The following PRDM16 variants were observed in gnomAD, a reference collection of about 807,000 sequenced individuals.
PRDM16 encodes the protein PR/SET domain 16, also known as histone-lysine N-methyltransferase PRDM16.
A neutral mutation model predicts 110.6 loss-of-function variants in PRDM16; 23 were observed. That is an observed-to-expected ratio of 0.21 (90% CI 0.15 to 0.29). PRDM16 has a LOEUF of 0.29. PRDM16 is among the 10% of genes least tolerant of loss of function. The pLI is 1.00. For missense variants in PRDM16, 1,615 were observed against 1,794.3 expected, an observed-to-expected ratio of 0.90 and a Z score of 1.81; for synonymous variants, 799 against 781.8, an observed-to-expected ratio of 1.02 and a Z score of -0.37.
chr1:3,210,590 G>T (rs1638861632), intron 2 of PRDM16, among the ~76,000 whole-genome samples: 1 of 152,246 alleles, frequency 6.6e-6, no homozygotes, highest in African/African-American at 2.4e-5. Flanking sequence ...GCTCTAAATA[G>T]CAGGCACATG....
chr1:3,387,721 A>T (rs1643225199), intron 4 of PRDM16, among the ~76,000 whole-genome samples: 1 of 152,256 alleles, frequency 6.6e-6, no homozygotes, highest in South Asian at 2.1e-4. Flanking sequence ...GAGGTGGCTG[A>T]GTTGGCAGCT....
At chr1:3,329,638 CT>C (rs1394070848) in intron 3 of PRDM16, among the ~76,000 whole-genome samples, 1 of 152,222 alleles carries the variant, frequency 6.6e-6, no homozygotes, top group African/African-American at 2.4e-5. Flanking sequence ...TGCCAGAGCC[CT>C]CCAGCCCAGG....
intron 1 of PRDM16, among the ~76,000 whole-genome samples, chr1:3,087,545 TG>T (rs1482734533): frequency 6.6e-6 from 1 of 152,100 alleles, no homozygotes; most frequent in Non-Finnish European, 1.5e-5. Flanking sequence ...CTGTGTCTGT[TG>T]GGGGGAGTTT....
At chr1:3,280,789 G>A (rs1236037022) in intron 3 of PRDM16, among the ~76,000 whole-genome samples, 2 of 152,192 alleles carry the variant, frequency 1.3e-5, no homozygotes, top group Admixed American at 6.5e-5. Context: ...TGGCCGTCCC[G>A]GGCCATACCC....
intron 1 of PRDM16, among the ~76,000 whole-genome samples, chr1:3,174,944 G>A (rs1644068640): frequency 6.6e-6 from 1 of 152,174 alleles, no homozygotes; most frequent in South Asian, 2.1e-4. Flanking sequence ...AATCTGCTGT[G>A]TTAATAGCGG....
chr1:3,333,240 G>A (rs996000362), intron 3 of PRDM16, among the ~76,000 whole-genome samples: 3 of 152,188 alleles, frequency 2.0e-5, no homozygotes, highest in East Asian at 1.9e-4. Flanking sequence ...GGAGGCCCTC[G>A]TGGGGGTGAA....
At chr1:3,220,150 A>C (rs1045616269) in intron 2 of PRDM16, among the ~76,000 whole-genome samples, 1 of 152,104 alleles carries the variant, frequency 6.6e-6, no homozygotes, top group Non-Finnish European at 1.5e-5. Context: ...ACGCGCCGGG[A>C]GGAATGCATC....
intron 3 of PRDM16, among the ~76,000 whole-genome samples, chr1:3,319,829 G>A (rs779364187): frequency 5.9e-5 from 9 of 152,302 alleles, no homozygotes; most frequent in South Asian, 4.1e-4. Context: ...GGCTTTAGCC[G>A]GCTTCCCCAA....
At chr1:3,242,090 A>G (rs185937980) in intron 2 of PRDM16, among the ~76,000 whole-genome samples, 1 of 152,306 alleles carries the variant, frequency 6.6e-6, no homozygotes, top group African/African-American at 2.4e-5. Context: ...GAAAATGCCC[A>G]GAGGCCACCA....
At chr1:3,091,178 C>T (rs1380476187) in intron 1 of PRDM16, among the ~76,000 whole-genome samples, 1 of 152,210 alleles carries the variant, frequency 6.6e-6, no homozygotes, top group Non-Finnish European at 1.5e-5. Context: ...GAGCCACCGA[C>T]CAATAGCAGC....
rs374698770 is a variant in PRDM16, at chr1:3,313,487, C to G, written c.438+69350C>G. ...TCCGAGGCTCTGCCGTCCCCACCCC[C>G]ACAGGCATCCAGGGGAGAGAAACAA... On this transcript the variant is annotated intron_variant, in intron 3 of 16. Transcript: ENST00000270722. Among the ~76,000 whole-genome samples the G allele has an allele frequency of 3.9e-5, 6 of 152,336 alleles. No individual in the cohort carries two copies. In the East Asian group the frequency reaches 1.2e-3, roughly 29 times the overall value.
chr1:3,332,307 C>A (rs928476549), intron 3 of PRDM16, among the ~76,000 whole-genome samples: 4 of 152,204 alleles, frequency 2.6e-5, no homozygotes, highest in South Asian at 4.1e-4. Context: ...GTTTCTCATA[C>A]GTTTCAATTA....
At chr1:3,099,546 G>C (rs1642484988) in intron 1 of PRDM16, among the ~76,000 whole-genome samples, 1 of 152,212 alleles carries the variant, frequency 6.6e-6, no homozygotes, top group Non-Finnish European at 1.5e-5. Flanking sequence ...GGGACTGGCT[G>C]GTGCTGGGCT....
rs1410876735 is a variant in PRDM16, at chr1:3,425,575, T to G, written c.2940-6T>G. ...CTGCACTGAGGAGCGCGTGTGCCCCTTCCAGGTGTAAGTACTGCGACCGCT... is the reference window on the plus strand; with the variant it reads ...CTGCACTGAGGAGCGCGTGTGCCCCGTCCAGGTGTAAGTACTGCGACCGCT... On this transcript the variant is annotated splice_region_variant and splice_polypyrimidine_tract_variant and intron_variant, in intron 12 of 16. Transcript: ENST00000270722. This position sits in a 1 kb window ranked among gnomAD's most constrained non-coding sequence, Gnocchi z 6.9. 2 of 1,613,366 alleles carry G rather than the reference T, an allele frequency of 1.2e-6. No individual in the cohort carries two copies. Among genetic ancestry groups the G allele is most frequent in the Non-Finnish European group, 1.7e-6 (2 of 1,179,740 alleles).
Position 3,283,141 on chromosome 1 carries a change from C to T in PRDM16, c.438+39004C>T, listed in dbSNP as rs368842555. ...TTTTGGAGGGGTCTGACCCAGTGGCCGGGCTCATGGGTGGGAACTGGCCAG... is the reference window on the plus strand; with the variant it reads ...TTTTGGAGGGGTCTGACCCAGTGGCTGGGCTCATGGGTGGGAACTGGCCAG... On this transcript the variant is annotated intron_variant, in intron 3 of 16. Coordinates refer to ENST00000270722, the MANE Select transcript of PRDM16 (RefSeq NM_022114.4). Among the ~76,000 whole-genome samples the T allele has an allele frequency of 1.2e-4, 18 of 152,260 alleles. No homozygotes were observed. The East Asian group carries it at 2.7e-3, about 23-fold the overall frequency.
chr1:3,287,127 G>A (rs1557582638), intron 3 of PRDM16, among the ~76,000 whole-genome samples: 2 of 152,240 alleles, frequency 1.3e-5, no homozygotes, highest in Non-Finnish European at 2.9e-5. Context: ...CCCCACTGGG[G>A]CGGCAGCATG....
At position 3,360,905 on chromosome 1, in the gene PRDM16, A is replaced by G. The variant is rs1642700139; in HGVS notation, c.439-24247A>G. Among the ~76,000 whole-genome samples the G allele has an allele frequency of 2.0e-5, 3 of 152,104 alleles. No individual in the cohort carries two copies. In the South Asian group the frequency reaches 6.2e-4, roughly 32 times the overall value. ...GTGGAACATCCCTGGAAAGTCACAA[A>G]CATGGGGCCAGATGTGCGGGTGCCG... is the stretch of plus-strand genomic sequence containing the variant. On this transcript the variant is annotated intron_variant, in intron 3 of 16. Coordinates refer to ENST00000270722, the MANE Select transcript of PRDM16 (RefSeq NM_022114.4).
At chr1:3,088,310 T>C (rs2981879) in intron 1 of PRDM16, among the ~76,000 whole-genome samples, 44,039 of 151,574 alleles carry the variant, frequency 0.29, 6,665 homozygotes, top group Middle Eastern at 0.36. Context: ...ATAATAAAAA[T>C]CCTCAAACCG....
chr1:3,151,015 G>C (rs1333633082), intron 1 of PRDM16, among the ~76,000 whole-genome samples: 1 of 144,992 alleles, frequency 6.9e-6, no homozygotes, highest in Admixed American at 6.9e-5. Context: ...TATGGAAATG[G>C]GGGGCTGGTC....
Sources: allele counts gnomAD v4.1 joint callset (sites outside exome capture counted in the v4.1 genomes callset), GRCh38; gene constraint gnomAD v4.1.1; non-coding constraint Gnocchi (gnomAD v3.1); transcripts MANE v1.5; gene names NCBI Gene and HGNC (gene_info 2026-07-23, HGNC 2026-07-21).